Variants in RIMS1 observed in about 807,000 individuals in gnomAD.
RIMS1 encodes regulating synaptic membrane exocytosis 1.
In RIMS1, 83 loss-of-function variants were observed where a neutral mutation model predicts 214.1. The observed-to-expected ratio is 0.39, with a 90% confidence interval of 0.32 to 0.47. The LOEUF is 0.47. Ranked by LOEUF, RIMS1 falls within the 20% of genes least tolerant of loss-of-function variation. The pLI is 0.99. For missense variants in RIMS1, 2,050 were observed against 2,161.8 expected (o/e 0.95, Z 1.03); for synonymous variants, 793 against 786.8 (o/e 1.01, Z -0.13).
At chr6:72,360,996 A>C (rs2097794097) in intron 29 of RIMS1, among the ~76,000 whole-genome samples, 1 of 148,168 alleles carries the variant, frequency 6.7e-6, no homozygotes, top group Non-Finnish European at 1.5e-5. Context: ...GGATCATGAG[A>C]TCATGAGATC....
chr6:71,949,856 C>T (rs1188194264), intron 1 of RIMS1, among the ~76,000 whole-genome samples: 1 of 152,114 alleles, frequency 6.6e-6, no homozygotes, highest in Non-Finnish European at 1.5e-5. Context: ...CAGTTCCACT[C>T]CTAGGTATTT....
intron 2 of RIMS1, among the ~76,000 whole-genome samples, chr6:72,074,709 G>A (rs182050668): frequency 2.6e-5 from 4 of 152,222 alleles, no homozygotes; most frequent in Non-Finnish European, 4.4e-5. Flanking sequence ...CATTGTGTCC[G>A]TTAGCAGGGA....
At chr6:72,147,831 T>C (rs569711277) in intron 4 of RIMS1, among the ~76,000 whole-genome samples, 1 of 152,170 alleles carries the variant, frequency 6.6e-6, no homozygotes, top group Admixed American at 6.5e-5. Context: ...GGTTTTGAAC[T>C]CATAGAGGGG....
At chr6:72,355,431 G>C (rs895271889) in intron 29 of RIMS1, among the ~76,000 whole-genome samples, 1 of 152,058 alleles carries the variant, frequency 6.6e-6, no homozygotes, top group Admixed American at 6.6e-5. Flanking sequence ...GAAAATAATA[G>C]CATTACAATA....
intron 4 of RIMS1, among the ~76,000 whole-genome samples, chr6:72,125,187 TA>T (rs2039252081): frequency 6.6e-6 from 1 of 152,206 alleles, no homozygotes; most frequent in South Asian, 2.1e-4. Context: ...TTTTTGTTGC[TA>T]TTTATGCTAT....
In RIMS1 at chr6:72,038,090, C is replaced by CAAAAAAAA. The variant is rs869130217; in HGVS notation, c.246-58837_246-58830dup. ...TTCAGTTCTCTGTTGAACAAACAAG[C>CAAAAAAAA]AAAAAAAAAAAAAAAAAAAAAAAAA... On this transcript the variant is annotated intron_variant, in intron 2 of 33. Coordinates refer to ENST00000521978, the MANE Select transcript of RIMS1 (RefSeq NM_014989.7). 3.6e-4 allele frequency among the ~76,000 whole-genome samples: 8 copies of CAAAAAAAA among 22,242 alleles called. 1 individual carries two copies. Among genetic ancestry groups the CAAAAAAAA allele is most frequent in the African/African-American group, 4.3e-4 (3 of 7,054 alleles). The allele number at this position is 22,242 out of a possible 152,430, so 14.6% of individuals were successfully genotyped here.
chr6:71,965,967 T>C (rs1334821540), intron 1 of RIMS1, among the ~76,000 whole-genome samples: 1 of 152,184 alleles, frequency 6.6e-6, no homozygotes, highest in Non-Finnish European at 1.5e-5. Flanking sequence ...TATATTATTA[T>C]ACCAAGTCTA....
intron 26 of RIMS1, among the ~76,000 whole-genome samples, chr6:72,293,804 TTA>T (rs1444699958): frequency 6.6e-6 from 1 of 151,814 alleles, no homozygotes; most frequent in Non-Finnish European, 1.5e-5. Flanking sequence ...ATGTTACTGT[TTA>T]TGATATTCAT....
chr6:72,371,985 G>GTCTAGATC (rs1278656824), intron 29 of RIMS1, among the ~76,000 whole-genome samples: 2 of 152,206 alleles, frequency 1.3e-5, no homozygotes, highest in Admixed American at 6.5e-5. Context: ...CCAGGAAACA[G>GTCTAGATC]TCTAGATCAT....
rs139093899 is a variant in RIMS1, at chr6:71,913,560, C to T, written c.164+26373C>T. ...AACACCCTTAAATAGAAAACAGTTA[C>T]AGCTAATCCTATTTAAAATGGTTGC... On this transcript the variant is annotated intron_variant, in intron 1 of 33. Transcript: ENST00000521978. Among the ~76,000 whole-genome samples, 771 of 152,204 alleles carry T rather than the reference C, an allele frequency of 5.1e-3. 5 individuals are homozygous for T. The highest frequency in any genetic ancestry group is 0.017 in the African/African-American group (723 of 41,530).
At chr6:72,183,906 C>G (rs2048729919) in intron 6 of RIMS1, among the ~76,000 whole-genome samples, 2 of 152,102 alleles carry the variant, frequency 1.3e-5, no homozygotes, top group Admixed American at 6.5e-5. Flanking sequence ...CTTAAACACA[C>G]ACTTATAGAC....
chr6:71,925,886 T>A (rs1223521905), intron 1 of RIMS1, among the ~76,000 whole-genome samples: 1 of 152,236 alleles, frequency 6.6e-6, no homozygotes, highest in East Asian at 1.9e-4. Flanking sequence ...CCTGTGGATT[T>A]TTTTACAAGA....
chr6:72,390,539 A>T (rs972008847), intron 29 of RIMS1, 59 bp from the exon 30 acceptor site: 5 of 1,481,286 alleles, frequency 3.4e-6, no homozygotes, highest in African/African-American at 1.4e-5. Context: ...GGATCAATTG[A>T]TATTCAGGAG....
intron 2 of RIMS1, among the ~76,000 whole-genome samples, chr6:72,024,128 T>A (rs914801535): frequency 6.6e-6 from 1 of 152,176 alleles, no homozygotes; most frequent in African/African-American, 2.4e-5. Flanking sequence ...GCAAAGTTCC[T>A]TTACTTGCCT....
chr6:72,034,703 T>A (rs2152036623), intron 2 of RIMS1, among the ~76,000 whole-genome samples: 1 of 152,188 alleles, frequency 6.6e-6, no homozygotes, highest in East Asian at 1.9e-4. Flanking sequence ...TCTAAGTAAT[T>A]TTTATTATCA....
chr6:72,160,656 A>G lies in RIMS1; in HGVS notation c.472-18919A>G, dbSNP rs753026699. On this transcript the variant is annotated intron_variant, in intron 4 of 33. Coordinates refer to ENST00000521978, the MANE Select transcript of RIMS1 (RefSeq NM_014989.7). ...ATTGAGATAATCTTGTGGTTTTGTC[A>G]TTGGTTCTGTTTATATGCTGGCTTA... is the stretch of plus-strand genomic sequence containing the variant. Among the ~76,000 whole-genome samples the G allele has an allele frequency of 3.3e-4, 47 of 140,504 alleles. 7 individuals are homozygous for G. Among genetic ancestry groups the G allele is most frequent in the Non-Finnish European group, 6.6e-4 (41 of 61,834 alleles). 92.2% of individuals were successfully genotyped at this position (140,504 alleles called of 152,430 possible).
intron 26 of RIMS1, among the ~76,000 whole-genome samples, chr6:72,295,174 A>G (rs1284424458): frequency 6.6e-6 from 1 of 151,776 alleles, no homozygotes; most frequent in African/African-American, 2.4e-5. Context: ...TTATTATATC[A>G]CCTATCTAAA....
chr6:72,298,838 CA>C (rs34597729), intron 26 of RIMS1, among the ~76,000 whole-genome samples: 13,948 of 151,952 alleles, frequency 0.092, 761 homozygotes, highest in South Asian at 0.14. Context: ...CTCCAATTGC[CA>C]TACAGATAAC....
At chr6:72,062,427 A>G (rs757410755) in intron 2 of RIMS1, among the ~76,000 whole-genome samples, 6 of 152,054 alleles carry the variant, frequency 3.9e-5, no homozygotes, top group Non-Finnish European at 7.3e-5. Flanking sequence ...TACTGACTAT[A>G]TGGAGAATAG....
Sources: allele counts gnomAD v4.1 joint callset (sites outside exome capture counted in the v4.1 genomes callset), GRCh38; gene constraint gnomAD v4.1.1; transcripts MANE v1.5; gene names NCBI Gene and HGNC (gene_info 2026-07-23, HGNC 2026-07-21).